Variants in EIF4G3 observed in about 807,000 individuals in gnomAD.
EIF4G3 encodes eukaryotic translation initiation factor 4 gamma 3, also known as eIF-4-gamma 3.
Under a neutral mutation model 186.4 loss-of-function variants are expected in EIF4G3, and 34 were observed. That is an observed-to-expected ratio of 0.18 (90% confidence interval 0.14 to 0.24). The LOEUF (loss-of-function observed/expected upper bound fraction) is 0.24. Ranked by LOEUF, EIF4G3 falls within the 10% of genes least tolerant of loss-of-function variation. The probability of loss-of-function intolerance (pLI) is 1.00; values close to 1 mark genes in which losing one functional copy is unlikely to be tolerated. For missense variants in EIF4G3, 1,536 were observed against 1,948.5 expected (o/e 0.79, Z 3.99); for synonymous variants, 673 against 679.5 (o/e 0.99, Z 0.15).
chr1:20,869,426 G>T (rs988299991), intron 20 of EIF4G3, among the ~76,000 whole-genome samples: 3 of 148,914 alleles, frequency 2.0e-5, no homozygotes, highest in Non-Finnish European at 4.4e-5. Flanking sequence ...CTCCTGAGTA[G>T]CTGGGATTAT....
rs375028441 is a variant in EIF4G3 at position 20,817,517 on chromosome 1, C to G, written c.4390G>C (p.Asp1464His). 3.2e-5 allele frequency: 51 copies of G among 1,601,182 alleles called. No individual in the cohort carries two copies. Among genetic ancestry groups the G allele is most frequent in the Middle Eastern group, 1.7e-4 (1 of 6,020 alleles). ...AGTGCTTCAGAGGAACAGGGACTGT[C>G]AGACTCTATGAAGTCCAACTTCTGA... ...LEQKLDFIES[D>H]SPCSSEALSK... Residue 1464 changes from aspartate (D) to histidine (H), a missense_variant, in exon 34 of 37, where the codon GAC becomes CAC. Coordinates refer to ENST00000602326, the MANE Select transcript of EIF4G3 (RefSeq NM_001391906.1).
chr1:20,879,658 ATAAT>A, intron 19 of EIF4G3, 138 bp from the exon 20 acceptor site: 1 of 473,744 alleles, frequency 2.1e-6, no homozygotes, highest in Non-Finnish European at 3.5e-6. Flanking sequence ...AGTGACAGAA[ATAAT>A]TAAACTAATC....
intron 36 of EIF4G3, among the ~76,000 whole-genome samples, chr1:20,809,171 C>G (rs566589396): frequency 6.6e-6 from 1 of 152,204 alleles, no homozygotes; most frequent in African/African-American, 2.4e-5. Flanking sequence ...CGGGGTTTCA[C>G]CATGTTGGCC....
chr1:20,972,957 T>C, intron 11 of EIF4G3, 45 bp downstream of exon 11: 3 of 1,457,378 alleles, frequency 2.1e-6, no homozygotes, highest in Non-Finnish European at 2.8e-6. Context: ...GATAAGTGAA[T>C]AGATTTTAGA....
At chr1:20,836,380 T>C (rs1016875246) in intron 30 of EIF4G3, among the ~76,000 whole-genome samples, 1 of 152,150 alleles carries the variant, frequency 6.6e-6, no homozygotes, top group African/African-American at 2.4e-5. Context: ...GTAGCTGTAA[T>C]TATTGGCACG....
At chr1:20,833,809 A>G (rs930838054) in intron 30 of EIF4G3, among the ~76,000 whole-genome samples, 3 of 152,240 alleles carry the variant, frequency 2.0e-5, no homozygotes, top group Non-Finnish European at 4.4e-5. Context: ...TTTCAACATA[A>G]TAAGAGCTAT....
intron 2 of EIF4G3, among the ~76,000 whole-genome samples, chr1:21,140,239 T>C (rs2097314240): frequency 6.6e-6 from 1 of 152,142 alleles, no homozygotes; most frequent in Non-Finnish European, 1.5e-5. Context: ...GGCAATAACC[T>C]ACAGAAAAAA....
intron 3 of EIF4G3, among the ~76,000 whole-genome samples, chr1:21,057,223 GTTGTA>G (rs1401925173): frequency 1.3e-5 from 2 of 152,110 alleles, no homozygotes; most frequent in Non-Finnish European, 2.9e-5. Flanking sequence ...AATGTTCATA[GTTGTA>G]TTGTTTTAAT....
chr1:20,916,439 T>A (rs774950564), intron 14 of EIF4G3, among the ~76,000 whole-genome samples: 37 of 151,210 alleles, frequency 2.4e-4, no homozygotes, highest in Middle Eastern at 3.4e-3. Context: ...AGAGAGAGAC[T>A]CTGTCTCAAA....
rs144205211 is a variant in EIF4G3, at chr1:20,933,512, G to A, written c.1663+7979C>T. On this transcript the variant is annotated intron_variant, in intron 14 of 36. Transcript: ENST00000602326. ...TCTACTAAAAATACAAAAATTATCC[G>A]GGCGTGGTGGTGCGCACCTGTAATC... Among the ~76,000 whole-genome samples, 268 of 152,000 alleles carry A rather than the reference G, an allele frequency of 1.8e-3. 9 individuals are homozygous for A. In the East Asian group the frequency reaches 0.046, roughly 26 times the overall value.
At chr1:21,154,828 G>A (rs2097612926) in intron 2 of EIF4G3, among the ~76,000 whole-genome samples, 1 of 152,126 alleles carries the variant, frequency 6.6e-6, no homozygotes, top group South Asian at 2.1e-4. Context: ...ACATTTTGAT[G>A]AGCAGGTATT....
chr1:20,827,469 G>A, intron 32 of EIF4G3, 148 bp downstream of exon 32: 1 of 386,146 alleles, frequency 2.6e-6, no homozygotes. Context: ...AAGGACAAAT[G>A]CACCTCAGAA....
intron 14 of EIF4G3, among the ~76,000 whole-genome samples, chr1:20,913,312 T>C (rs76996619): frequency 0.029 from 4,338 of 152,198 alleles, 117 homozygotes; most frequent in Middle Eastern, 0.061. Flanking sequence ...GGTGAGTGAA[T>C]TGCTTGAGGC....
intron 36 of EIF4G3, 43 bp from the exon 37 acceptor site, chr1:20,807,543 A>G: frequency 6.9e-7 from 1 of 1,453,986 alleles, no homozygotes; most frequent in South Asian, 1.5e-5. Context: ...GGGACACTGT[A>G]GTTATGAGGA....
chr1:21,074,502 G>A (rs1202853294), intron 3 of EIF4G3, among the ~76,000 whole-genome samples: 3 of 151,980 alleles, frequency 2.0e-5, no homozygotes, highest in Non-Finnish European at 2.9e-5. Context: ...ACTATGGTCA[G>A]TTATCATTCA....
rs536144995 is a variant in EIF4G3, at chr1:20,874,628, A to AT, written c.2622+4694dup. The stretch of plus-strand genomic sequence containing the variant: ...CTGGATTCTAATATTCTGTCAGTTA[A>AT]TGCACTCCAAACAGATACTCCTAGG... On this transcript the variant is annotated intron_variant, in intron 20 of 36. Transcript: ENST00000602326. 7.2e-4 allele frequency among the ~76,000 whole-genome samples: 109 copies of AT among 152,126 alleles called. 4 individuals are homozygous for AT. The South Asian group carries it at 0.022, about 31-fold the overall frequency.
In EIF4G3 at chr1:21,058,719, C is replaced by CTTTTT. The variant is rs66576703; in HGVS notation, c.-195-7730_-195-7726dup. 4.9e-4 allele frequency among the ~76,000 whole-genome samples: 40 copies of CTTTTT among 82,030 alleles called. 4 individuals carry two copies. Among genetic ancestry groups the CTTTTT allele is most frequent in the South Asian group, 9.8e-4 (2 of 2,044 alleles). 53.8% of individuals were successfully genotyped at this position (82,030 alleles called of 152,430 possible). ...TTTTCTTCTTCTTCTCTCTCTCTCT[C>CTTTTT]TTTTTTTTTTTTTTTTTTTTTTTTT... On this transcript the variant is annotated intron_variant, in intron 3 of 36. Transcript: ENST00000602326.
intron 14 of EIF4G3, among the ~76,000 whole-genome samples, chr1:20,931,653 G>A (rs1168806412): frequency 1.3e-5 from 2 of 152,164 alleles, no homozygotes; most frequent in Non-Finnish European, 2.9e-5. Flanking sequence ...GGGGCCAGGC[G>A]CAGTGGCTCA....
intron 31 of EIF4G3, 74 bp from the exon 32 acceptor site, chr1:20,827,772 G>T: frequency 9.6e-7 from 1 of 1,038,010 alleles, no homozygotes; most frequent in Non-Finnish European, 1.5e-6. Context: ...CAAACAATGT[G>T]TGACCAAAAA....
Sources: allele counts gnomAD v4.1 joint callset (sites outside exome capture counted in the v4.1 genomes callset), GRCh38; gene constraint gnomAD v4.1.1; transcripts MANE v1.5; gene names NCBI Gene and HGNC (gene_info 2026-07-23, HGNC 2026-07-21).